Variants in DAB1 observed in about 807,000 individuals in gnomAD.
The protein encoded by DAB1 is DAB adaptor protein 1.
Under a neutral mutation model 64.6 loss-of-function variants are expected in DAB1, and 15 were observed. The ratio of observed to expected loss-of-function variants is 0.23; its 90% CI spans 0.16 to 0.36. The LOEUF (loss-of-function observed/expected upper bound fraction) is 0.36. Among genes scored for constraint, DAB1 ranks in the 10% least tolerant of loss-of-function variants. The pLI is 1.00. For synonymous variants in DAB1, 235 were observed against 251.9 expected (o/e 0.93, Z 0.64); for missense variants, 596 against 706.7 (o/e 0.84, Z 1.78).
At chr1:58,436,294 T>A (rs1158690435) in intron 3 of DAB1, among the ~76,000 whole-genome samples, 1 of 150,008 alleles carries the variant, frequency 6.7e-6, no homozygotes. Flanking sequence ...AATTATTAGC[T>A]AGTTGTACCT....
At chr1:57,747,472 A>G (rs1329507294) in intron 6 of DAB1, among the ~76,000 whole-genome samples, 1 of 152,182 alleles carries the variant, frequency 6.6e-6, no homozygotes, top group African/African-American at 2.4e-5. Context: ...GTATCAGCAC[A>G]GTCTTGGGCT....
intron 2 of DAB1, among the ~76,000 whole-genome samples, chr1:57,249,564 G>T (rs992321294): frequency 2.0e-5 from 3 of 152,118 alleles, no homozygotes; most frequent in African/African-American, 7.2e-5. Flanking sequence ...TAGAGATGGG[G>T]TTTCACCATG....
At chr1:57,817,505 G>C (rs1176768604) in intron 6 of DAB1, among the ~76,000 whole-genome samples, 1 of 152,200 alleles carries the variant, frequency 6.6e-6, no homozygotes, top group Non-Finnish European at 1.5e-5. Context: ...GGCCTTTCAG[G>C]AGGAGCTGCC....
intron 2 of DAB1, among the ~76,000 whole-genome samples, chr1:57,226,672 A>AAAATATATAT (rs747021990): frequency 8.8e-4 from 119 of 135,972 alleles, no homozygotes; most frequent in African/African-American, 3.5e-3. Context: ...TTAAAAAAAA[A>AAAATATATAT]ATATATATAT....
At chr1:58,316,514 A>G (rs1045746441) in intron 4 of DAB1, among the ~76,000 whole-genome samples, 6 of 152,166 alleles carry the variant, frequency 3.9e-5, no homozygotes, top group Admixed American at 6.5e-5. Context: ...GTGGTGCTCA[A>G]ATCCAGAGGA....
intron 2 of DAB1, among the ~76,000 whole-genome samples, chr1:58,524,984 C>T (rs1646327294): frequency 6.6e-6 from 1 of 152,148 alleles, no homozygotes; most frequent in Non-Finnish European, 1.5e-5. Flanking sequence ...GAAGTGAATA[C>T]AAAACTATAA....
chr1:57,319,215 G>T (rs981438491), intron 1 of DAB1, among the ~76,000 whole-genome samples: 2 of 152,144 alleles, frequency 1.3e-5, no homozygotes, highest in African/African-American at 2.4e-5. Flanking sequence ...AGCTTGCTTG[G>T]GGATTGAAGC....
chr1:57,394,162 AG>A (rs2101010981), intron 1 of DAB1, among the ~76,000 whole-genome samples: 1 of 152,356 alleles, frequency 6.6e-6, no homozygotes, highest in South Asian at 2.1e-4. Context: ...CCAGATTATT[AG>A]AGCCAACACA....
chr1:58,057,769 C>T (rs960568452), intron 5 of DAB1, among the ~76,000 whole-genome samples: 3 of 152,136 alleles, frequency 2.0e-5, no homozygotes, highest in Non-Finnish European at 4.4e-5. Flanking sequence ...TTTGTCATGG[C>T]AGCTTTAGGG....
At chr1:57,909,201 G>A (rs1422943135) in intron 5 of DAB1, among the ~76,000 whole-genome samples, 1 of 152,148 alleles carries the variant, frequency 6.6e-6, no homozygotes, top group Non-Finnish European at 1.5e-5. Flanking sequence ...GCTCCAGTGT[G>A]TTGTATGAAC....
chr1:57,337,084 C>T (rs555810209), intron 1 of DAB1, among the ~76,000 whole-genome samples: 1 of 152,254 alleles, frequency 6.6e-6, no homozygotes, highest in African/African-American at 2.4e-5. Context: ...ATTTGAATAT[C>T]AATAGCACTT....
At chr1:57,443,301 A>G (rs1686021472) in intron 7 of DAB1, among the ~76,000 whole-genome samples, 1 of 152,198 alleles carries the variant, frequency 6.6e-6, no homozygotes, top group Non-Finnish European at 1.5e-5. Context: ...AGATAGTATT[A>G]TGACCAAAGG....
At chr1:58,246,764 G>T (rs572241050) in intron 4 of DAB1, among the ~76,000 whole-genome samples, 1 of 152,086 alleles carries the variant, frequency 6.6e-6, no homozygotes, top group Non-Finnish European at 1.5e-5. Flanking sequence ...TTGTATTTAT[G>T]AATGTGTGAA....
chr1:57,530,331 G>A (rs1644647280), intron 7 of DAB1, among the ~76,000 whole-genome samples: 3 of 152,136 alleles, frequency 2.0e-5, no homozygotes, highest in Non-Finnish European at 2.9e-5. Context: ...TGTGCAGTAT[G>A]TAAATTGTGA....
intron 1 of DAB1, among the ~76,000 whole-genome samples, chr1:57,391,531 A>G (rs1682352492): frequency 6.6e-6 from 1 of 152,186 alleles, no homozygotes; most frequent in South Asian, 2.1e-4. Flanking sequence ...TTGAATCTCC[A>G]AGAGCATGAG....
intron 4 of DAB1, among the ~76,000 whole-genome samples, chr1:58,220,539 T>A (rs888831794): frequency 6.6e-5 from 10 of 152,198 alleles, no homozygotes; most frequent in Non-Finnish European, 1.5e-4. Context: ...AGTCATTTTT[T>A]AAATTTTAAA....
At chr1:57,287,204 TG>T (rs1672385605) in intron 2 of DAB1, among the ~76,000 whole-genome samples, 1 of 152,174 alleles carries the variant, frequency 6.6e-6, no homozygotes, top group Non-Finnish European at 1.5e-5. Context: ...CCTGAGTAGC[TG>T]GGACTACTGG....
intron 5 of DAB1, among the ~76,000 whole-genome samples, chr1:58,071,396 GTGTGTGTGT>G (rs1557637224): frequency 6.6e-6 from 1 of 151,154 alleles, no homozygotes; most frequent in African/African-American, 2.4e-5. Context: ...GTGTGTGTGT[GTGTGTGTGT>G]GGGTGGGGAG....
intron 9 of DAB1, among the ~76,000 whole-genome samples, chr1:57,051,353 C>G (rs2100527277): frequency 6.6e-6 from 1 of 152,242 alleles, no homozygotes; most frequent in Non-Finnish European, 1.5e-5. Flanking sequence ...AGATTTAATC[C>G]AATTATCCAA....
Sources: allele counts gnomAD v4.1 joint callset (sites outside exome capture counted in the v4.1 genomes callset), GRCh38; gene constraint gnomAD v4.1.1; transcripts MANE v1.5; gene names NCBI Gene and HGNC (gene_info 2026-07-23, HGNC 2026-07-21).